Variants in AGO2 observed in about 807,000 individuals in gnomAD.
AGO2 encodes argonaute RISC catalytic component 2, also known as protein argonaute-2.
In AGO2, 5 loss-of-function variants were observed where a neutral mutation model predicts 102.3. The observed-to-expected ratio is 0.05, with a 90% CI of 0.03 to 0.10. The LOEUF (loss-of-function observed/expected upper bound fraction) is 0.10, where lower values mean the gene tolerates loss of function less well. Ranked by LOEUF, AGO2 falls within the 10% of genes least tolerant of loss-of-function variation. The pLI, the probability that AGO2 is intolerant of heterozygous loss-of-function variation, is 1.00. For synonymous variants in AGO2, 449 were observed against 473.1 expected, an observed-to-expected ratio of 0.95 and a Z score of 0.66; for missense variants, 541 against 1,183.7, an observed-to-expected ratio of 0.46 and a Z score of 7.97.
At chr8:140,552,126 T>A (rs2073010243) in intron 10 of AGO2, among the ~76,000 whole-genome samples, 1 of 152,224 alleles carries the variant, frequency 6.6e-6, no homozygotes, top group Non-Finnish European at 1.5e-5. Context: ...AGGCCTCCTG[T>A]TCTATACAGA....
In AGO2 at chr8:140,547,552, G is replaced by C; in HGVS notation, c.1664C>G (p.Thr555Ser). 1 of 1,614,186 alleles carries C rather than the reference G, an allele frequency of 6.2e-7. No individual in the cohort carries two copies. Among genetic ancestry groups the C allele is most frequent in the East Asian group, 2.2e-5 (1 of 44,876 alleles). The change falls in exon 13 of 19, where the codon ACC (threonine) becomes AGC (serine). Residue 555 changes from threonine to serine, a missense_variant. By Grantham distance (58) the Thr-to-Ser change is moderately conservative (BLOSUM62 1). Transcript: ENST00000220592. ...GAGGTTGGACAGGGTCTGTGGCGTGGTCCTCTGCACGTTCTTCATCTGCAC... is the reference window on the plus strand; with the variant it reads ...GAGGTTGGACAGGGTCTGTGGCGTGCTCCTCTGCACGTTCTTCATCTGCAC... ...QCVQMKNVQR[T>S]TPQTLSNLCL...
upstream of AGO2, among the ~76,000 whole-genome samples, chr8:140,636,019 C>A (rs536471639): frequency 2.0e-4 from 30 of 150,514 alleles, no homozygotes; most frequent in Middle Eastern, 3.6e-3. Flanking sequence ...CCGGCTGTGC[C>A]GCCGGAGCCG....
intron 17 of AGO2, among the ~76,000 whole-genome samples, chr8:140,535,053 T>C (rs1366745217): frequency 1.3e-5 from 2 of 152,224 alleles, no homozygotes; most frequent in African/African-American, 4.8e-5. Flanking sequence ...CAAGGCTGAC[T>C]GCGCCAAGTG....
chr8:140,598,628 T>G (rs1011359686), intron 1 of AGO2, among the ~76,000 whole-genome samples: 1 of 152,192 alleles, frequency 6.6e-6, no homozygotes, highest in African/African-American at 2.4e-5. Context: ...TGCCAAGCCC[T>G]GTCTGAGCCC....
intron 4 of AGO2, 81 bp from the exon 5 acceptor site, chr8:140,560,591 G>A (rs2073182872): frequency 3.3e-6 from 5 of 1,502,574 alleles, no homozygotes; most frequent in Non-Finnish European, 4.5e-6. Context: ...GGCTTCGCCT[G>A]CGCCCACCAC....
intron 1 of AGO2, among the ~76,000 whole-genome samples, chr8:140,611,347 A>G (rs571598518): frequency 6.7e-6 from 1 of 148,484 alleles, no homozygotes; most frequent in South Asian, 2.1e-4. Flanking sequence ...TTTTTTCTTG[A>G]TATGGAGACT....
rs768564618 is a variant in AGO2, at chr8:140,549,220, G to A, written c.1482C>T (p.Tyr494=). 12 of 1,613,502 alleles carry A rather than the reference G, an allele frequency of 7.4e-6. No individual in the cohort carries two copies. Among genetic ancestry groups the A allele is most frequent in the Middle Eastern group, 1.6e-4 (1 of 6,084 alleles). ...PIQGQPCFCK[Y]AQGADSVEPM... ...GCTCCACGCTGTCCGCCCCCTGCGC[G>A]TATTTGCAGAAGCACGGCTGGCCCT... is the stretch of plus-strand genomic sequence containing the variant. Residue 494 remains tyrosine, a synonymous_variant, in exon 12 of 19, where the codon TAC becomes TAT. Transcript: ENST00000220592.
chr8:140,558,990 C>G (rs1312198167), intron 6 of AGO2, among the ~76,000 whole-genome samples: 1 of 152,196 alleles, frequency 6.6e-6, no homozygotes, highest in Non-Finnish European at 1.5e-5. Flanking sequence ...AGACCCCCCC[C>G]AATCTGAGTT....
At chr8:140,561,678 T>A (rs1032971040) in intron 4 of AGO2, among the ~76,000 whole-genome samples, 1 of 152,234 alleles carries the variant, frequency 6.6e-6, no homozygotes, top group African/African-American at 2.4e-5. Context: ...CTAAAAATCT[T>A]ACACATGGCC....
At chr8:140,593,391 C>T (rs1047070367) in intron 1 of AGO2, among the ~76,000 whole-genome samples, 3 of 151,272 alleles carry the variant, frequency 2.0e-5, no homozygotes, top group Non-Finnish European at 4.4e-5. Context: ...GGGGTTTCAC[C>T]ATGTTGGCCA....
chr8:140,584,005 T>G (rs759104640), intron 2 of AGO2, among the ~76,000 whole-genome samples: 1 of 152,222 alleles, frequency 6.6e-6, no homozygotes, highest in Non-Finnish European at 1.5e-5. Context: ...GGCCAAACGT[T>G]GTCATGCGGT....
chr8:140,584,106 G>A (rs780517074), intron 2 of AGO2, among the ~76,000 whole-genome samples: 9 of 145,272 alleles, frequency 6.2e-5, no homozygotes, highest in African/African-American at 1.0e-4. Context: ...AAACTCTCAC[G>A]GATCAATAAC....
intron 16 of AGO2, among the ~76,000 whole-genome samples, chr8:140,537,317 GTTTCT>G (rs981057389): frequency 6.8e-6 from 1 of 148,044 alleles, no homozygotes; most frequent in Non-Finnish European, 1.5e-5. Flanking sequence ...AATTTTCAGG[GTTTCT>G]TTTCTTTTTT....
At chr8:140,564,653 C>T (rs2073251563) in intron 3 of AGO2, among the ~76,000 whole-genome samples, 2 of 152,174 alleles carry the variant, frequency 1.3e-5, no homozygotes, top group South Asian at 4.1e-4. Context: ...TAAGAATAAA[C>T]TATATAGGGC....
At chr8:140,619,399 A>G (rs186982676) in intron 1 of AGO2, among the ~76,000 whole-genome samples, 1 of 152,346 alleles carries the variant, frequency 6.6e-6, no homozygotes, top group African/African-American at 2.4e-5. Flanking sequence ...ACACAAGAGA[A>G]ATAAAACGAC....
At chr8:140,586,695 C>T (rs2073662509) in intron 1 of AGO2, among the ~76,000 whole-genome samples, 2 of 152,142 alleles carry the variant, frequency 1.3e-5, no homozygotes, top group South Asian at 2.1e-4. Flanking sequence ...TGGAGACAGC[C>T]ACTCCCCTGA....
At chr8:140,640,153 C>T (rs113934389), upstream of AGO2, among the ~76,000 whole-genome samples, 372 of 152,184 alleles carry the variant, frequency 2.4e-3, 4 homozygotes, top group African/African-American at 8.3e-3. Context: ...GGATTACAGG[C>T]GCATGCCACC....
At chr8:140,621,102 C>T (rs1372358415) in intron 1 of AGO2, among the ~76,000 whole-genome samples, 3 of 152,164 alleles carry the variant, frequency 2.0e-5, no homozygotes, top group Non-Finnish European at 4.4e-5. Context: ...GCCACATTTG[C>T]TCCATCTCTC....
intron 1 of AGO2, among the ~76,000 whole-genome samples, chr8:140,632,885 ACT>A (rs2074358696): frequency 6.6e-6 from 1 of 151,730 alleles, no homozygotes; most frequent in Non-Finnish European, 1.5e-5. Flanking sequence ...AAGTAGCAAA[ACT>A]ATTTGTAATT....
Sources: gnomAD v4.1 joint callset for allele counts (sites outside exome capture counted in the v4.1 genomes callset) on GRCh38, gnomAD v4.1.1 for gene constraint, MANE v1.5 for transcripts, NCBI Gene and HGNC (gene_info 2026-07-23, HGNC 2026-07-21) for gene names.